The following MORC1 variants were observed in gnomAD, a reference collection of about 807,000 sequenced individuals.
MORC1 encodes MORC family CW-type zinc finger protein 1.
A neutral mutation model predicts 134.9 loss-of-function variants in MORC1; 59 were observed. The ratio of observed to expected loss-of-function variants is 0.44; its 90% CI spans 0.35 to 0.54. The LOEUF (loss-of-function observed/expected upper bound fraction) is 0.54. Ranked by LOEUF, MORC1 falls within the 20% of genes least tolerant of loss-of-function variation. MORC1 has a pLI of 0.00. For synonymous variants in MORC1, 395 were observed against 391.7 expected, an observed-to-expected ratio of 1.01 and a Z score of -0.10; for missense variants, 947 against 1,134.5, an observed-to-expected ratio of 0.83 and a Z score of 2.37.
chr3:109,038,697 C>A (rs1231978411), intron 14 of MORC1, among the ~76,000 whole-genome samples: 1 of 152,110 alleles, frequency 6.6e-6, no homozygotes, highest in African/African-American at 2.4e-5. Flanking sequence ...AATAGGGAAT[C>A]CTTTCCCCAT....
intron 3 of MORC1, among the ~76,000 whole-genome samples, chr3:109,108,818 T>G (rs1218885167): frequency 1.3e-5 from 2 of 150,918 alleles, no homozygotes; most frequent in East Asian, 2.0e-4. Context: ...GAGAATGGTG[T>G]GAACCTGGGA....
At chr3:109,053,171 G>A (rs1949870358) in intron 14 of MORC1, among the ~76,000 whole-genome samples, 1 of 151,910 alleles carries the variant, frequency 6.6e-6, no homozygotes, top group Non-Finnish European at 1.5e-5. Context: ...CAATGTTGGT[G>A]GGAATGTAAA....
chr3:108,977,933 A>G (rs894090126), intron 24 of MORC1, among the ~76,000 whole-genome samples: 2 of 152,134 alleles, frequency 1.3e-5, no homozygotes, highest in Non-Finnish European at 2.9e-5. Flanking sequence ...GCTGGAGTGC[A>G]GTGGCGCGAT....
intron 20 of MORC1, among the ~76,000 whole-genome samples, chr3:109,004,510 CA>C (rs1183994501): frequency 1.5e-4 from 22 of 149,486 alleles, no homozygotes; most frequent in South Asian, 2.1e-4. Context: ...GGCAAATTCT[CA>C]AAAAAAAAGA....
At chr3:109,063,077 T>C in intron 10 of MORC1, 75 bp downstream of exon 10, 1 of 1,116,938 alleles carries the variant, frequency 9.0e-7, no homozygotes, top group East Asian at 2.4e-5. Context: ...GCAATGTATG[T>C]CTCAAAATAA....
At chr3:109,049,237 C>T in intron 14 of MORC1, 1 of 607,484 alleles carries the variant, frequency 1.6e-6, no homozygotes, top group Non-Finnish European at 2.1e-6. Context: ...TTGTGAGCAA[C>T]TAGCTACATC....
intron 6 of MORC1, among the ~76,000 whole-genome samples, chr3:109,096,932 G>C (rs926767087): frequency 9.2e-5 from 14 of 152,242 alleles, no homozygotes; most frequent in African/African-American, 3.4e-4. Flanking sequence ...AAGAAAATTA[G>C]AGAACCACTT....
intron 14 of MORC1, among the ~76,000 whole-genome samples, chr3:109,046,085 A>G (rs746052946): frequency 4.6e-5 from 7 of 152,176 alleles, no homozygotes; most frequent in South Asian, 2.1e-4. Flanking sequence ...ACCCACAACT[A>G]CATCTCTATA....
chr3:109,071,100 C>A (rs13076176), intron 8 of MORC1, among the ~76,000 whole-genome samples: 3,477 of 152,202 alleles, frequency 0.023, 65 homozygotes, highest in Middle Eastern at 0.11. Flanking sequence ...TATGTCCTCA[C>A]CTGATAAAAG....
At chr3:108,971,294 A>G in intron 25 of MORC1, 36 bp downstream of exon 25, 1 of 1,573,082 alleles carries the variant, frequency 6.4e-7, no homozygotes. Flanking sequence ...AGGCTATTCT[A>G]TCATTCCCTC....
chr3:109,022,471 G>A (rs1948982755), intron 17 of MORC1, among the ~76,000 whole-genome samples: 1 of 152,210 alleles, frequency 6.6e-6, no homozygotes, highest in South Asian at 2.1e-4. Flanking sequence ...GTCTGTATGT[G>A]TGTCCACATG....
intron 14 of MORC1, among the ~76,000 whole-genome samples, chr3:109,042,476 T>G (rs1430457127): frequency 6.6e-6 from 1 of 152,170 alleles, no homozygotes; most frequent in African/African-American, 2.4e-5. Flanking sequence ...CTAACACTGG[T>G]GGCAAGAGTA....
At chr3:108,991,655 T>C (rs1948063551) in intron 21 of MORC1, among the ~76,000 whole-genome samples, 1 of 152,210 alleles carries the variant, frequency 6.6e-6, no homozygotes, top group Non-Finnish European at 1.5e-5. Flanking sequence ...AACAATGGCT[T>C]CATCGGCATC....
intron 6 of MORC1, among the ~76,000 whole-genome samples, chr3:109,096,567 C>T (rs543251781): frequency 6.6e-6 from 1 of 152,166 alleles, no homozygotes; most frequent in South Asian, 2.1e-4. Flanking sequence ...TGGGAGGAAA[C>T]CTCACTTCCT....
In MORC1 at chr3:109,086,805, T is replaced by C. The variant is rs143769718; in HGVS notation, c.689+6631A>G. On this transcript the variant is annotated intron_variant, in intron 8 of 27. Coordinates refer to ENST00000232603, the MANE Select transcript of MORC1 (RefSeq NM_014429.4). ...TCTAATTTTTCAGATGTTGGTAAAA[T>C]ATCAACATTTGGGAAATCTGGATGA... Among the ~76,000 whole-genome samples the C allele has an allele frequency of 1.9e-3, 288 of 152,184 alleles. 6 individuals carry two copies. Among genetic ancestry groups the C allele is most frequent in the African/African-American group, 6.2e-3 (256 of 41,504 alleles).
chr3:109,008,791 T>C (rs370936198), intron 17 of MORC1, among the ~76,000 whole-genome samples: 1 of 152,170 alleles, frequency 6.6e-6, no homozygotes, highest in East Asian at 1.9e-4. Flanking sequence ...GCAAAATTTG[T>C]TTATTTTTTC....
At chr3:108,999,963 T>A (rs754235808) in intron 21 of MORC1, among the ~76,000 whole-genome samples, 7 of 152,170 alleles carry the variant, frequency 4.6e-5, no homozygotes, top group Non-Finnish European at 2.9e-5. Flanking sequence ...AGTCCTTGAA[T>A]CATTTCCTCC....
At chr3:109,111,114 T>C (rs537578671) in intron 2 of MORC1, among the ~76,000 whole-genome samples, 1 of 150,386 alleles carries the variant, frequency 6.6e-6, no homozygotes, top group South Asian at 2.1e-4. Context: ...TGGAATGTTT[T>C]TCATATTTTA....
At position 109,099,314 on chromosome 3, in the gene MORC1, C is replaced by T. The variant is rs546466022; in HGVS notation, c.423+44G>A. The T allele has an allele frequency of 5.0e-6, 7 of 1,394,934 alleles. No individual in the cohort carries two copies. The South Asian group carries it at 9.0e-5, about 18-fold the overall frequency. 86.4% of individuals were successfully genotyped at this position (1,394,934 alleles called of 1,614,324 possible). On this transcript the variant is annotated intron_variant, in intron 6 of 27. Transcript: ENST00000232603. ...CACCTCCTGAGAGAGTAAATGAAAG[C>T]AACATCATTGCTATGGGAACAGAAG...
Sources: allele counts gnomAD v4.1 joint callset (sites outside exome capture counted in the v4.1 genomes callset), GRCh38; gene constraint gnomAD v4.1.1; transcripts MANE v1.5; gene names NCBI Gene and HGNC (gene_info 2026-07-23, HGNC 2026-07-21).